Variants in PCDH15 observed in about 807,000 individuals in gnomAD.
PCDH15 encodes protocadherin-15.
PCDH15 carries 129 observed loss-of-function variants against 178.5 expected under a neutral mutation model. The ratio of observed to expected loss-of-function variants is 0.72; its 90% confidence interval spans 0.63 to 0.84. The LOEUF (loss-of-function observed/expected upper bound fraction) is 0.84. Ranked by LOEUF, PCDH15 falls within the 40% of genes least tolerant of loss-of-function variation. The pLI, the probability that PCDH15 is intolerant of heterozygous loss-of-function variation, is 0.00. For missense variants in PCDH15, 2,230 were observed against 2,099.9 expected (o/e 1.06, Z -1.21); for synonymous variants, 800 against 732.0 (o/e 1.09, Z -1.50).
At chr10:53,905,169 T>C (rs778968370) in intron 25 of PCDH15, 5 of 518,836 alleles carry the variant, frequency 9.6e-6, no homozygotes, top group Non-Finnish European at 1.5e-5. Context: ...GCTGCCCATA[T>C]ACTTAAGTCT....
At chr10:53,823,347 AGAAGGAAAAGACTT>A (rs1564540794) in intron 32 of PCDH15, 5 of 1,613,348 alleles carry the variant, frequency 3.1e-6, no homozygotes, top group Admixed American at 3.3e-5. Context: ...AAAATGGTAG[AGAAGGAAAAGACTT>A]GAAAGAAAAG....
chr10:55,213,323 T>C (rs1210852293), intron 1 of PCDH15, among the ~76,000 whole-genome samples: 1 of 152,092 alleles, frequency 6.6e-6, no homozygotes, highest in Non-Finnish European at 1.5e-5. Context: ...TTCATAGAGC[T>C]ACTTGGGAAG....
chr10:54,546,602 T>A (rs2085881775), intron 2 of PCDH15, among the ~76,000 whole-genome samples: 1 of 152,154 alleles, frequency 6.6e-6, no homozygotes, highest in Admixed American at 6.5e-5. Flanking sequence ...TTGTTTAGAA[T>A]ACTTATAGTA....
chr10:53,989,769 G>C lies in PCDH15; in HGVS notation c.2868+5880C>G, dbSNP rs766066357. On this transcript the variant is annotated intron_variant, in intron 21 of 37. Coordinates refer to ENST00000644397, the MANE Select transcript of PCDH15 (RefSeq NM_001384140.1). ...GTAGCTGCTGATCTTAAAAATCAGAGTCTCTGCTACATTGTTAGCAATAAT... is the reference window on the plus strand; with the variant it reads ...GTAGCTGCTGATCTTAAAAATCAGACTCTCTGCTACATTGTTAGCAATAAT... Among the ~76,000 whole-genome samples the C allele has an allele frequency of 5.5e-4, 84 of 152,192 alleles. 3 individuals carry two copies. In the Middle Eastern group the frequency reaches 0.02, roughly 37 times the overall value.
chr10:55,282,048 C>T (rs917506648), intron 1 of PCDH15, among the ~76,000 whole-genome samples: 4 of 152,130 alleles, frequency 2.6e-5, no homozygotes, highest in African/African-American at 7.2e-5. Context: ...TTTTCCCCAG[C>T]GCCAAGAAAG....
Position 54,133,108 on chromosome 10 carries a change from T to A in PCDH15, c.1785-101A>T, listed in dbSNP as rs770703344. Reference sequence around the variant, plus strand: ...GTTGTTGGGTTTACAGGAGAAAAAATTTCCAAATTTTATGAAAAATAATAC... The same window carrying A: ...GTTGTTGGGTTTACAGGAGAAAAAAATTCCAAATTTTATGAAAAATAATAC... On this transcript the variant is annotated intron_variant, in intron 14 of 37. Coordinates refer to ENST00000644397, the MANE Select transcript of PCDH15 (RefSeq NM_001384140.1). 7.3e-5 allele frequency: 108 copies of A among 1,483,260 alleles called. No individual in the cohort carries two copies. The African/African-American group carries it at 1.0e-3, about 14-fold the overall frequency. The allele number at this position is 1,483,260 out of a possible 1,614,324, so 91.9% of individuals were successfully genotyped here.
chr10:53,827,381 C>A lies in PCDH15; in HGVS notation c.4367+12G>T. ...CCAACTACTTCTCAGAGTTCCTGAACGGTCTACTTACATTGAGCTGTCTCC... is the reference window on the plus strand; with the variant it reads ...CCAACTACTTCTCAGAGTTCCTGAAAGGTCTACTTACATTGAGCTGTCTCC... On this transcript the variant is annotated intron_variant, in intron 32 of 37. Transcript: ENST00000644397. 1.2e-6 allele frequency: 2 copies of A among 1,600,168 alleles called. No homozygotes were observed. The highest frequency in any genetic ancestry group is 1.7e-6 in the Non-Finnish European group (2 of 1,171,408).
At chr10:55,001,025 C>A (rs1245043722) in intron 2 of PCDH15, among the ~76,000 whole-genome samples, 5 of 152,126 alleles carry the variant, frequency 3.3e-5, no homozygotes, top group African/African-American at 4.8e-5. Context: ...CTCTTTGAGA[C>A]GACCTGCCTG....
rs577606839 is a variant in PCDH15 at position 54,599,916 on chromosome 10, G to T, written c.91+64256C>A. On this transcript the variant is annotated intron_variant, in intron 2 of 37. Coordinates refer to ENST00000644397, the MANE Select transcript of PCDH15 (RefSeq NM_001384140.1). Reference sequence around the variant, plus strand: ...AAAAGAAAGTTGAGGAAAAGAGTGAGGAAGTGGCCACTAAGGAGGAGTTGG... The same window carrying T: ...AAAAGAAAGTTGAGGAAAAGAGTGATGAAGTGGCCACTAAGGAGGAGTTGG... The T allele has an allele frequency of 2.2e-4, 172 of 790,050 alleles. 4 individuals are homozygous for T. In the South Asian group the frequency reaches 2.4e-3, roughly 11 times the overall value. 48.9% of individuals were successfully genotyped at this position (790,050 alleles called of 1,614,324 possible).
intron 23 of PCDH15, among the ~76,000 whole-genome samples, chr10:53,943,939 G>A (rs2086300254): frequency 6.6e-6 from 1 of 151,940 alleles, no homozygotes; most frequent in Admixed American, 6.6e-5. Context: ...ATTGTTTTAG[G>A]TTGTGGAAAG....
chr10:54,404,672 G>T (rs1265256954), intron 3 of PCDH15, among the ~76,000 whole-genome samples: 4 of 151,868 alleles, frequency 2.6e-5, no homozygotes, highest in African/African-American at 7.3e-5. Context: ...AGCTAAACAG[G>T]TTCTGTACAA....
intron 1 of PCDH15, among the ~76,000 whole-genome samples, chr10:55,263,422 C>G (rs1407392361): frequency 1.3e-5 from 2 of 152,184 alleles, no homozygotes; most frequent in Admixed American, 6.5e-5. Context: ...TCCACCCCAA[C>G]AGCCGCAGGC....
intron 2 of PCDH15, among the ~76,000 whole-genome samples, chr10:55,345,682 T>TC (rs77158467): frequency 0.55 from 83,258 of 151,778 alleles, 23,397 homozygotes; most frequent in African/African-American, 0.66. Flanking sequence ...TGTGTGATAC[T>TC]TTTTACTCTT....
chr10:54,850,195 T>G (rs1291372941), intron 3 of PCDH15, among the ~76,000 whole-genome samples: 1 of 152,162 alleles, frequency 6.6e-6, no homozygotes, highest in Non-Finnish European at 1.5e-5. Flanking sequence ...CTAAGAAGAT[T>G]TTTCTTAGTT....
At chr10:53,883,267 T>C (rs1038092534) in intron 26 of PCDH15, among the ~76,000 whole-genome samples, 3 of 152,306 alleles carry the variant, frequency 2.0e-5, no homozygotes, top group African/African-American at 7.2e-5. Flanking sequence ...TATAGCTTTG[T>C]AATCCATTTT....
At chr10:53,977,518 A>G (rs188772482) in intron 21 of PCDH15, among the ~76,000 whole-genome samples, 4 of 152,304 alleles carry the variant, frequency 2.6e-5, no homozygotes, top group African/African-American at 7.2e-5. Flanking sequence ...TGTATAACAC[A>G]TGGGGATTAT....
Position 54,600,476 on chromosome 10 carries a change from A to C in PCDH15, c.91+63696T>G, listed in dbSNP as rs1434911776. On this transcript the variant is annotated intron_variant, in intron 2 of 37. Coordinates refer to ENST00000644397, the MANE Select transcript of PCDH15 (RefSeq NM_001384140.1). Reference sequence around the variant, plus strand: ...GATGAAAAGAAGGGGGATGATAAAAATGAAGATAAAGTGGTGGTGACCAAA... The same window carrying C: ...GATGAAAAGAAGGGGGATGATAAAACTGAAGATAAAGTGGTGGTGACCAAA... The C allele has an allele frequency of 1.6e-5, 9 of 577,608 alleles. No individual in the cohort carries two copies. In the Admixed American group the frequency reaches 1.7e-4, roughly 11 times the overall value. The allele number at this position is 577,608 out of a possible 1,614,324, so 35.8% of individuals were successfully genotyped here.
At chr10:54,227,818 G>T (rs1488558412) in intron 9 of PCDH15, among the ~76,000 whole-genome samples, 1 of 152,124 alleles carries the variant, frequency 6.6e-6, no homozygotes, top group African/African-American at 2.4e-5. Context: ...CAAGTTCAAA[G>T]TTCCACAAAT....
At chr10:54,098,342 T>C (rs1002166231) in intron 15 of PCDH15, among the ~76,000 whole-genome samples, 6 of 152,086 alleles carry the variant, frequency 3.9e-5, no homozygotes, top group African/African-American at 1.4e-4. Flanking sequence ...GTTATCTTTA[T>C]TTATAATTAT....
Sources: allele counts gnomAD v4.1 joint callset (sites outside exome capture counted in the v4.1 genomes callset), GRCh38; gene constraint gnomAD v4.1.1; transcripts MANE v1.5; gene names NCBI Gene and HGNC (gene_info 2026-07-23, HGNC 2026-07-21).